ANKRD31: variants seen among roughly 807,000 people sequenced by gnomAD.
ANKRD31 encodes ankyrin repeat domain-containing protein 31.
A neutral mutation model predicts 186.0 loss-of-function variants in ANKRD31; 147 were observed. The observed-to-expected ratio is 0.79, with a 90% CI of 0.69 to 0.91. The LOEUF is 0.91. ANKRD31 is among the 40% of genes least tolerant of loss of function. The probability of loss-of-function intolerance (pLI) is 0.00; values close to 1 mark genes in which losing one functional copy is unlikely to be tolerated. For missense variants in ANKRD31, 1,986 were observed against 2,148.8 expected (o/e 0.92, Z 1.50); for synonymous variants, 673 against 736.4 (o/e 0.91, Z 1.39).
chr5:75,106,473 T>C lies in ANKRD31; in HGVS notation c.4340+1048A>G, dbSNP rs538211274. On this transcript the variant is annotated intron_variant, in intron 21 of 25. Transcript: ENST00000506364. ...AGAAGGATTCATATTAGCAAACAAC[T>C]GGTAGCATAAAATGCAAAAGAAATA... is the stretch of plus-strand genomic sequence containing the variant. 2.6e-5 allele frequency among the ~76,000 whole-genome samples: 4 copies of C among 152,128 alleles called. No homozygotes were observed. The South Asian group carries it at 6.2e-4, about 24-fold the overall frequency.
chr5:75,175,158 T>G (rs1485683123), intron 10 of ANKRD31, among the ~76,000 whole-genome samples: 1 of 152,162 alleles, frequency 6.6e-6, no homozygotes, highest in Admixed American at 6.5e-5. Context: ...ATGTTCTCAC[T>G]CATAGGTGGG....
At chr5:75,178,818 C>A (rs1273640232) in intron 10 of ANKRD31, among the ~76,000 whole-genome samples, 2 of 151,950 alleles carry the variant, frequency 1.3e-5, no homozygotes, top group African/African-American at 4.8e-5. Flanking sequence ...CTTCACAATT[C>A]AAAGAACTAG....
intron 10 of ANKRD31, among the ~76,000 whole-genome samples, chr5:75,170,942 C>T (rs994117846): frequency 2.0e-5 from 3 of 151,994 alleles, no homozygotes; most frequent in African/African-American, 4.8e-5. Flanking sequence ...ACAATCATAA[C>T]GTTATGTATC....
intron 17 of ANKRD31, among the ~76,000 whole-genome samples, chr5:75,135,570 T>C (rs1358245467): frequency 6.6e-6 from 1 of 151,960 alleles, no homozygotes; most frequent in Non-Finnish European, 1.5e-5. Flanking sequence ...AGAATCAATA[T>C]CGTGAAAATG....
rs546540144 is a variant in ANKRD31 at position 75,176,303 on chromosome 5, G to C, written c.1565-7182C>G. ...GCCTGCCTCTGTAGGCTCTACCTCT[G>C]GGGACAGGGCACAGACAAACAAAAG... On this transcript the variant is annotated intron_variant, in intron 10 of 25. Coordinates refer to ENST00000506364, the MANE Select transcript of ANKRD31 (RefSeq NM_001372053.1). Among the ~76,000 whole-genome samples the C allele has an allele frequency of 4.6e-5, 7 of 152,292 alleles. 1 individual carries two copies. Among genetic ancestry groups the C allele is most frequent in the Admixed American group, 2.0e-4 (3 of 15,290 alleles).
At chr5:75,103,972 A>C (rs779092161) in intron 22 of ANKRD31, among the ~76,000 whole-genome samples, 1 of 152,192 alleles carries the variant, frequency 6.6e-6, no homozygotes, top group East Asian at 1.9e-4. Context: ...TATGTAACAA[A>C]CTTGCACATC....
intron 7 of ANKRD31, among the ~76,000 whole-genome samples, chr5:75,194,360 C>T (rs1368937893): frequency 1.3e-5 from 2 of 149,528 alleles, no homozygotes; most frequent in Non-Finnish European, 3.0e-5. Flanking sequence ...ACACTTTACT[C>T]ATATTCCCTC....
At chr5:75,180,367 G>T (rs1193744353) in intron 10 of ANKRD31, among the ~76,000 whole-genome samples, 3 of 152,044 alleles carry the variant, frequency 2.0e-5, no homozygotes, top group African/African-American at 4.8e-5. Context: ...TTTCTTCACA[G>T]AATTGGAAAA....
intron 2 of ANKRD31, among the ~76,000 whole-genome samples, chr5:75,228,586 G>T (rs1757775301): frequency 1.3e-5 from 2 of 151,990 alleles, no homozygotes; most frequent in Non-Finnish European, 2.9e-5. Context: ...ATGAAAAAAA[G>T]ATATTTATAG....
At chr5:75,126,401 C>T (rs1749259979) in intron 17 of ANKRD31, among the ~76,000 whole-genome samples, 1 of 152,114 alleles carries the variant, frequency 6.6e-6, no homozygotes, top group African/African-American at 2.4e-5. Flanking sequence ...GAGAACGTGA[C>T]ACTGCACCCC....
intron 24 of ANKRD31, among the ~76,000 whole-genome samples, chr5:75,082,236 G>T (rs993593945): frequency 6.6e-6 from 1 of 152,180 alleles, no homozygotes; most frequent in African/African-American, 2.4e-5. Context: ...AGAAATTAGG[G>T]TGCAAAAGTT....
At chr5:75,105,324 A>C in intron 21 of ANKRD31, 106 bp from the exon 22 acceptor site, 1 of 1,228,428 alleles carries the variant, frequency 8.1e-7, no homozygotes, top group Non-Finnish European at 1.1e-6. Flanking sequence ...TAATCACTTT[A>C]AAATACACAA....
intron 1 of ANKRD31, among the ~76,000 whole-genome samples, chr5:75,233,430 A>G (rs993509351): frequency 1.3e-5 from 2 of 152,088 alleles, no homozygotes; most frequent in Non-Finnish European, 2.9e-5. Context: ...AACTTATTTT[A>G]AATTTACATA....
chr5:75,229,066 T>A (rs76336938), intron 2 of ANKRD31, among the ~76,000 whole-genome samples: 2,690 of 152,300 alleles, frequency 0.018, 42 homozygotes, highest in South Asian at 0.035. Context: ...AAAAAAAGAT[T>A]TTTTTAAAGG....
Position 75,104,357 on chromosome 5 carries a change from C to T in ANKRD31, c.5202G>A (p.Gly1734=), listed in dbSNP as rs375387931. ...AAGCCTTTTTTATTGTATCTTGTTG[C>T]CCAGATCCAGAGGAAGAGGAGATCT... is the stretch of plus-strand genomic sequence containing the variant. ...DSQISSSSGS[G]QQDTIKKALN... Residue 1734 remains glycine, a synonymous_variant, in exon 22 of 26, where the codon GGG becomes GGA. Transcript: ENST00000506364. 1.3e-6 allele frequency: 2 copies of T among 1,536,894 alleles called. No individual in the cohort carries two copies. The highest frequency in any genetic ancestry group is 2.0e-5 in the Admixed American group (1 of 50,944).
chr5:75,080,463 G>C, intron 25 of ANKRD31, 105 bp downstream of exon 25: 1 of 622,798 alleles, frequency 1.6e-6, no homozygotes, highest in Non-Finnish European at 2.6e-6. Flanking sequence ...ATAATATGGA[G>C]TGATATGCAT....
chr5:75,093,289 T>G (rs1390724729), intron 22 of ANKRD31, among the ~76,000 whole-genome samples: 2 of 152,146 alleles, frequency 1.3e-5, no homozygotes, highest in East Asian at 3.8e-4. Context: ...GAGACCAGCC[T>G]GGCCAACGTG....
At chr5:75,136,196 C>A (rs1750561409) in intron 17 of ANKRD31, among the ~76,000 whole-genome samples, 1 of 152,140 alleles carries the variant, frequency 6.6e-6, no homozygotes, top group South Asian at 2.1e-4. Context: ...TCCTGCACAG[C>A]AAAAGAAACT....
intron 10 of ANKRD31, among the ~76,000 whole-genome samples, chr5:75,173,189 C>G (rs1448554598): frequency 5.9e-5 from 9 of 152,094 alleles, no homozygotes; most frequent in African/African-American, 1.9e-4. Flanking sequence ...ATTCAACAGC[C>G]CTTCATGCTA....
Sources: allele counts gnomAD v4.1 joint callset (sites outside exome capture counted in the v4.1 genomes callset), GRCh38; gene constraint gnomAD v4.1.1; transcripts MANE v1.5; gene names NCBI Gene and HGNC (gene_info 2026-07-23, HGNC 2026-07-21).